LRGUK: variants seen among roughly 807,000 people sequenced by gnomAD.
LRGUK encodes leucine rich repeats and guanylate kinase domain containing, also known as leucine-rich repeat and guanylate kinase domain-containing protein.
A neutral mutation model predicts 76.0 loss-of-function variants in LRGUK; 65 were observed. That is an observed-to-expected ratio of 0.85 (90% CI 0.70 to 1.05). LRGUK has a LOEUF of 1.05. LRGUK is among the 50% of genes least tolerant of loss of function. The pLI, the probability that LRGUK is intolerant of heterozygous loss-of-function variation, is 0.00. For synonymous variants in LRGUK, 268 were observed against 265.6 expected (o/e 1.01, Z -0.09); for missense variants, 758 against 732.8 (o/e 1.03, Z -0.40).
chr7:134,273,567 G>A, the LRGUK span, among the ~76,000 whole-genome samples: 13,542 of 151,686 alleles, frequency 0.089, 1,517 homozygotes, highest in African/African-American at 0.26. Flanking sequence ...TTTGAGAACC[G>A]CTGCTCCACA....
At chr7:134,249,123 T>G in intron 18 of LRGUK, 47 bp downstream of exon 18, 1 of 1,500,518 alleles carries the variant, frequency 6.7e-7, no homozygotes. Context: ...TTTCTGCTGG[T>G]TAGTTAAAAT....
chr7:134,131,079 T>G (rs1338865545), intron 1 of LRGUK, among the ~76,000 whole-genome samples: 1 of 152,226 alleles, frequency 6.6e-6, no homozygotes, highest in African/African-American at 2.4e-5. Context: ...TACTGAATGA[T>G]TGCTATGCAG....
intron 19 of LRGUK, among the ~76,000 whole-genome samples, chr7:134,261,444 C>T (rs1802727159): frequency 6.6e-6 from 1 of 152,074 alleles, no homozygotes; most frequent in African/African-American, 2.4e-5. Context: ...ATTAATCTCC[C>T]ATATTCTCTA....
intron 16 of LRGUK, among the ~76,000 whole-genome samples, chr7:134,245,948 C>G (rs1206424699): frequency 3.3e-5 from 5 of 152,268 alleles, no homozygotes; most frequent in African/African-American, 4.8e-5. Context: ...CCTTTCTTCT[C>G]TCATTACATC....
rs144565920 is a variant in LRGUK, at chr7:134,164,787, C to T, written c.939+1247C>T. ...CAGACTTCCCTCATCTGTTAGGTTG[C>T]TAAGAATCAAGAAAAGTCAGTTATT... On this transcript the variant is annotated intron_variant, in intron 7 of 15. Transcript: ENST00000645682. Among the ~76,000 whole-genome samples the T allele has an allele frequency of 7.9e-5, 12 of 152,174 alleles. No homozygotes were observed. In the East Asian group the frequency reaches 1.9e-3, roughly 24 times the overall value.
intron 4 of LRGUK, among the ~76,000 whole-genome samples, chr7:134,143,412 G>C (rs1417146851): frequency 6.6e-6 from 1 of 151,766 alleles, no homozygotes; most frequent in Non-Finnish European, 1.5e-5. Context: ...ACTTTCCTCT[G>C]GTCTCCTCTT....
intron 5 of LRGUK, among the ~76,000 whole-genome samples, chr7:134,150,479 C>CAAAAAA (rs11403705): frequency 1.5e-5 from 2 of 134,534 alleles, no homozygotes; most frequent in African/African-American, 5.6e-5. Context: ...AACAAGCAAA[C>CAAAAAA]AAAAAAAAAA....
rs942553245 is a variant in LRGUK, at chr7:134,176,992, T to C, written c.1036T>C (p.Trp346Arg). Residue 346 changes from tryptophan (W) to arginine (R), a missense_variant, in exon 9 of 16, where the codon TGG (tryptophan) becomes CGG (arginine). Trp to Arg is a moderately radical substitution (Grantham distance 101, BLOSUM62 -3). Transcript: ENST00000645682. ...TTTTAAATAGGAAAAGTCTGAATAT[T>C]GGTTCTTCGTAATTTTTATGCTTCT... 2.5e-6 allele frequency: 4 copies of C among 1,597,092 alleles called. No individual in the cohort carries two copies. The highest frequency in any genetic ancestry group is 2.7e-5 in the African/African-American group (2 of 74,434).
intron 18 of LRGUK, among the ~76,000 whole-genome samples, chr7:134,252,738 G>A (rs1585603930): frequency 6.6e-6 from 1 of 152,148 alleles, no homozygotes; most frequent in Admixed American, 6.5e-5. Context: ...GCCTCTGCTT[G>A]CCATTCAAAC....
intron 15 of LRGUK, among the ~76,000 whole-genome samples, chr7:134,203,746 A>G (rs1800884958): frequency 6.6e-6 from 1 of 152,166 alleles, no homozygotes; most frequent in Admixed American, 6.5e-5. Context: ...ATGTCAGTGT[A>G]TGTATCCAGC....
At chr7:134,142,711 C>G (rs1197786101) in intron 3 of LRGUK, among the ~76,000 whole-genome samples, 1 of 152,132 alleles carries the variant, frequency 6.6e-6, no homozygotes. Context: ...GCTTTTCATC[C>G]TTTTCTCAAA....
intron 18 of LRGUK, among the ~76,000 whole-genome samples, chr7:134,256,589 G>A (rs527518424): frequency 6.6e-6 from 1 of 151,964 alleles, no homozygotes; most frequent in East Asian, 1.9e-4. Flanking sequence ...TTGGAGAAGA[G>A]AAGCCTGTCT....
At chr7:134,150,633 C>T (rs1424910836) in intron 5 of LRGUK, among the ~76,000 whole-genome samples, 8 of 152,136 alleles carry the variant, frequency 5.3e-5, no homozygotes, top group African/African-American at 1.7e-4. Flanking sequence ...GATCTCTTGT[C>T]CCCCAGAAAA....
Position 134,155,147 on chromosome 7 carries a change from G to A in LRGUK, c.671-2888G>A, listed in dbSNP as rs573144787. ...GCTAAACTGAGACAGATGGCCATTC[G>A]AAGTTTTCCTTGCATAGTTTTTGTT... is the stretch of plus-strand genomic sequence containing the variant. On this transcript the variant is annotated intron_variant, in intron 5 of 15. Coordinates refer to ENST00000645682, the Ensembl canonical transcript of LRGUK. 5.3e-5 allele frequency among the ~76,000 whole-genome samples: 8 copies of A among 152,228 alleles called. No individual in the cohort carries two copies. In the East Asian group the frequency reaches 7.7e-4, roughly 15 times the overall value.
chr7:134,223,150 C>G (rs79589306), intron 16 of LRGUK, among the ~76,000 whole-genome samples: 1 of 152,196 alleles, frequency 6.6e-6, no homozygotes, highest in Non-Finnish European at 1.5e-5. Flanking sequence ...CCTGGCTGGC[C>G]TCTTCCATTC....
chr7:134,210,544 T>TC (rs1801215088), downstream of LRGUK, among the ~76,000 whole-genome samples: 1 of 152,126 alleles, frequency 6.6e-6, no homozygotes, highest in Admixed American at 6.5e-5. Flanking sequence ...ATCAGCCAGC[T>TC]CAGGAGGGCC....
chr7:134,192,192 G>A (rs1287829738), intron 12 of LRGUK, among the ~76,000 whole-genome samples: 1 of 152,144 alleles, frequency 6.6e-6, no homozygotes, highest in African/African-American at 2.4e-5. Context: ...TATCTGTGGT[G>A]CTTTCTAATT....
chr7:134,235,255 TTCCTACTAC>T (rs898444998), intron 16 of LRGUK, among the ~76,000 whole-genome samples: 2 of 152,172 alleles, frequency 1.3e-5, no homozygotes, highest in Admixed American at 1.3e-4. Flanking sequence ...TCTGATCTCA[TTCCTACTAC>T]TCCTCTTCCT....
At chr7:134,161,413 A>AT (rs901246543) in intron 6 of LRGUK, among the ~76,000 whole-genome samples, 4 of 151,880 alleles carry the variant, frequency 2.6e-5, no homozygotes, top group African/African-American at 9.7e-5. Flanking sequence ...GATTATGGGT[A>AT]TTTTTTTCTA....
Sources: allele counts gnomAD v4.1 joint callset (sites outside exome capture counted in the v4.1 genomes callset), GRCh38; gene constraint gnomAD v4.1.1; transcripts MANE v1.5; gene names NCBI Gene and HGNC (gene_info 2026-07-23, HGNC 2026-07-21).